The following EYS variants were observed in gnomAD, a reference collection of about 807,000 sequenced individuals.
EYS encodes EGF-like photoreceptor maintenance factor, also known as protein eyes shut homolog.
EYS carries 250 observed loss-of-function variants against 282.1 expected under a neutral mutation model. That is an observed-to-expected ratio of 0.89 (90% CI 0.80 to 0.98). The LOEUF (loss-of-function observed/expected upper bound fraction) is 0.98. EYS is among the 50% of genes least tolerant of loss of function. The probability of loss-of-function intolerance (pLI) is 0.00; values close to 1 mark genes in which losing one functional copy is unlikely to be tolerated. For synonymous variants in EYS, 1,355 were observed against 1,282.9 expected, an observed-to-expected ratio of 1.06 and a Z score of -1.20; for missense variants, 4,016 against 3,709.0, an observed-to-expected ratio of 1.08 and a Z score of -2.15.
At chr6:65,163,456 T>C (rs1474082214) in intron 12 of EYS, among the ~76,000 whole-genome samples, 2 of 151,300 alleles carry the variant, frequency 1.3e-5, no homozygotes, top group Admixed American at 1.3e-4. Context: ...AATTTTCTTG[T>C]TTTACAATTC....
chr6:64,220,939 T>C (rs953490174), intron 31 of EYS, among the ~76,000 whole-genome samples: 21 of 152,116 alleles, frequency 1.4e-4, no homozygotes, highest in African/African-American at 2.4e-5. Flanking sequence ...TAATATTTAC[T>C]TCAAAATCAC....
intron 29 of EYS, among the ~76,000 whole-genome samples, chr6:64,349,505 A>T (rs1478128759): frequency 6.6e-6 from 1 of 151,398 alleles, no homozygotes; most frequent in East Asian, 2.0e-4. Context: ...TGCCAGCTAA[A>T]ATAAAAATTT....
intron 31 of EYS, among the ~76,000 whole-genome samples, chr6:64,139,184 T>C (rs1033131981): frequency 6.6e-6 from 1 of 152,112 alleles, no homozygotes; most frequent in African/African-American, 2.4e-5. Flanking sequence ...CAAGGAGAGA[T>C]GAATAAAAAG....
chr6:65,286,290 A>T (rs1156311354), intron 12 of EYS, among the ~76,000 whole-genome samples: 2 of 151,794 alleles, frequency 1.3e-5, no homozygotes, highest in Non-Finnish European at 2.9e-5. Flanking sequence ...TGCCAAATGT[A>T]GACTTGTCTT....
intron 2 of EYS, among the ~76,000 whole-genome samples, chr6:65,499,589 A>G (rs1322626486): frequency 6.6e-6 from 1 of 152,028 alleles, no homozygotes; most frequent in African/African-American, 2.4e-5. Context: ...TAGAAATAGA[A>G]GAGATAAAAT....
chr6:65,583,710 G>A (rs764079151), intron 2 of EYS, among the ~76,000 whole-genome samples: 7 of 151,994 alleles, frequency 4.6e-5, no homozygotes, highest in Non-Finnish European at 8.8e-5. Context: ...CTCTGTTTAA[G>A]AAAGCAATTG....
chr6:65,492,221 T>C (rs563465303), intron 4 of EYS, among the ~76,000 whole-genome samples: 1 of 152,250 alleles, frequency 6.6e-6, no homozygotes, highest in East Asian at 1.9e-4. Flanking sequence ...TTCTTAATGT[T>C]ATAAAAATAA....
chr6:64,301,164 A>G (rs1001672213), intron 30 of EYS, among the ~76,000 whole-genome samples: 4 of 152,246 alleles, frequency 2.6e-5, no homozygotes, highest in African/African-American at 7.2e-5. Context: ...TAAGACCTCA[A>G]AAGCTTAAAT....
intron 34 of EYS, among the ~76,000 whole-genome samples, chr6:63,984,997 C>G (rs953728367): frequency 1.1e-4 from 17 of 151,622 alleles, no homozygotes; most frequent in African/African-American, 4.1e-4. Flanking sequence ...TGTGTTCCCT[C>G]CAAATTCATA....
At position 64,886,548 on chromosome 6, in the gene EYS, A is replaced by C. The variant is rs1174264482; in HGVS notation, c.2992+149T>G. 47 of 486,320 alleles carry C rather than the reference A, an allele frequency of 9.7e-5. 1 individual carries two copies. In the East Asian group the frequency reaches 1.6e-3, roughly 17 times the overall value. 30.1% of individuals were successfully genotyped at this position (486,320 alleles called of 1,614,324 possible). A position where few individuals can be genotyped will look rare whatever the true frequency, so the allele number is the denominator to read the frequency against. On this transcript the variant is annotated intron_variant, in intron 19 of 42. Transcript: ENST00000503581. ...AAACACATAATTTTACTTCTTATTA[A>C]TTTCTTTTATAAGAGACAAATTATC...
chr6:65,657,223 C>A (rs1158414309), intron 1 of EYS, among the ~76,000 whole-genome samples: 7 of 151,798 alleles, frequency 4.6e-5, no homozygotes, highest in Non-Finnish European at 1.0e-4. Flanking sequence ...TGCTTTCATG[C>A]CTGCTAACAA....
intron 5 of EYS, among the ~76,000 whole-genome samples, chr6:65,457,138 T>TTTGTTGTTG (rs143012118): frequency 6.6e-6 from 1 of 151,438 alleles, no homozygotes; most frequent in African/African-American, 2.4e-5. Context: ...TTTTCTCTCT[T>TTTGTTGTTG]TTGTTGTTGT....
chr6:64,861,973 G>A (rs1766253797), intron 19 of EYS, among the ~76,000 whole-genome samples: 1 of 151,862 alleles, frequency 6.6e-6, no homozygotes, highest in South Asian at 2.1e-4. Context: ...TTTTAACATT[G>A]TTTGCAAAAT....
intron 14 of EYS, among the ~76,000 whole-genome samples, chr6:64,958,722 G>GA (rs1769807250): frequency 1.1e-5 from 1 of 88,044 alleles, no homozygotes; most frequent in East Asian, 3.4e-4. Flanking sequence ...GCGACAAAAC[G>GA]AGACTCCGTC....
At chr6:64,256,625 A>G in intron 30 of EYS, among the ~76,000 whole-genome samples, 1 of 152,018 alleles carries the variant, frequency 6.6e-6, no homozygotes, top group South Asian at 2.1e-4. Flanking sequence ...GTTGACGTTC[A>G]TCTGTCCTGT....
intron 31 of EYS, among the ~76,000 whole-genome samples, chr6:64,199,541 C>T (rs771619293): frequency 5.9e-5 from 9 of 152,038 alleles, no homozygotes; most frequent in Non-Finnish European, 1.3e-4. Context: ...ACTAAAACAC[C>T]AAAAGCAATG....
At chr6:64,287,606 G>A (rs1433597111) in intron 30 of EYS, among the ~76,000 whole-genome samples, 3 of 151,942 alleles carry the variant, frequency 2.0e-5, no homozygotes, top group East Asian at 1.9e-4. Flanking sequence ...ATGGAAGAAC[G>A]GGTTCTTCTC....
intron 5 of EYS, among the ~76,000 whole-genome samples, chr6:65,473,345 C>T (rs1471498536): frequency 1.3e-5 from 2 of 151,740 alleles, no homozygotes; most frequent in African/African-American, 4.8e-5. Flanking sequence ...ACCCAAAAAT[C>T]TTGGAGAATT....
chr6:64,372,130 G>GTGTTTTTTTTTT (rs1772394526), intron 29 of EYS, among the ~76,000 whole-genome samples: 1 of 97,738 alleles, frequency 1.0e-5, no homozygotes, highest in African/African-American at 4.7e-5. Context: ...GTATACTTGT[G>GTGTTTTTTTTTT]TTTTTTTTTT....
Sources: gnomAD v4.1 joint callset for allele counts (sites outside exome capture counted in the v4.1 genomes callset) on GRCh38, gnomAD v4.1.1 for gene constraint, MANE v1.5 for transcripts, NCBI Gene and HGNC (gene_info 2026-07-23, HGNC 2026-07-21) for gene names.